PHACTR1: variants seen among roughly 807,000 people sequenced by gnomAD.
The protein encoded by PHACTR1 is RPEL repeat containing 1.
PHACTR1 carries 16 observed loss-of-function variants against 69.2 expected under a neutral mutation model. That is an observed-to-expected ratio of 0.23 (90% CI 0.16 to 0.35). The LOEUF (loss-of-function observed/expected upper bound fraction) is 0.35. Ranked by LOEUF, PHACTR1 falls within the 10% of genes least tolerant of loss-of-function variation. PHACTR1 has a pLI of 1.00. For missense variants in PHACTR1, 510 were observed against 734.7 expected (o/e 0.69, Z 3.54); for synonymous variants, 312 against 284.5 (o/e 1.10, Z -0.97).
chr6:12,720,465 G>C (rs1192992428), intron 3 of PHACTR1, among the ~76,000 whole-genome samples: 1 of 152,202 alleles, frequency 6.6e-6, no homozygotes, highest in East Asian at 1.9e-4. Flanking sequence ...AGGACTCAAG[G>C]CAGCCTTCTG....
chr6:13,249,375 CA>C (rs1774038875), intron 10 of PHACTR1, among the ~76,000 whole-genome samples: 1 of 152,246 alleles, frequency 6.6e-6, no homozygotes, highest in African/African-American at 2.4e-5. Context: ...CCCAAACCCC[CA>C]TCCATAGAAA....
At chr6:12,751,952 G>A (rs1487723125) in intron 4 of PHACTR1, among the ~76,000 whole-genome samples, 1 of 152,128 alleles carries the variant, frequency 6.6e-6, no homozygotes, top group Non-Finnish European at 1.5e-5. Flanking sequence ...GGACAGTGGA[G>A]GGATGGGTAC....
At chr6:12,882,018 C>G (rs1272075786) in intron 4 of PHACTR1, among the ~76,000 whole-genome samples, 1 of 152,038 alleles carries the variant, frequency 6.6e-6, no homozygotes, top group Non-Finnish European at 1.5e-5. Flanking sequence ...TCAACATGGT[C>G]AAATGCTGCA....
intron 3 of PHACTR1, among the ~76,000 whole-genome samples, chr6:12,721,864 C>T (rs953612073): frequency 4.6e-5 from 7 of 152,192 alleles, no homozygotes; most frequent in Non-Finnish European, 8.8e-5. Flanking sequence ...TGGCCGGCAC[C>T]CTTCCCATCC....
At chr6:12,764,979 G>A (rs1768436667) in intron 4 of PHACTR1, among the ~76,000 whole-genome samples, 1 of 152,086 alleles carries the variant, frequency 6.6e-6, no homozygotes, top group African/African-American at 2.4e-5. Context: ...GGCAATTGTA[G>A]ACCAAGTTTA....
intron 4 of PHACTR1, among the ~76,000 whole-genome samples, chr6:12,853,545 A>G (rs1780034772): frequency 6.6e-6 from 1 of 152,250 alleles, no homozygotes; most frequent in African/African-American, 2.4e-5. Context: ...CACACTGCTA[A>G]TAAAGACATA....
chr6:12,830,155 A>AAGAAAAGAAAGAAAGAAAGAAAGAAAGAC (rs1561924078), intron 4 of PHACTR1, among the ~76,000 whole-genome samples: 11 of 143,254 alleles, frequency 7.7e-5, no homozygotes, highest in African/African-American at 1.8e-4. Context: ...GAAAGAAAGA[A>AAGAAAAGAAAGAAAGAAAGAAAGAAAGAC]AGACATCTTC....
At chr6:13,207,977 T>G (rs1036196758) in intron 8 of PHACTR1, among the ~76,000 whole-genome samples, 1 of 152,028 alleles carries the variant, frequency 6.6e-6, no homozygotes, top group Non-Finnish European at 1.5e-5. Flanking sequence ...TTGCTGTGTC[T>G]AGGAATTCTG....
chr6:12,957,827 C>A, intron 4 of PHACTR1: 3 of 985,562 alleles, frequency 3.0e-6, no homozygotes, highest in Non-Finnish European at 3.6e-6. Flanking sequence ...AGCTGGTCAG[C>A]GGCCAGGGAA....
chr6:12,844,724 G>A (rs756344318), intron 4 of PHACTR1, among the ~76,000 whole-genome samples: 29 of 151,690 alleles, frequency 1.9e-4, no homozygotes, highest in Non-Finnish European at 3.8e-4. Flanking sequence ...AGTATTTGAG[G>A]TAGGAAGGAA....
In PHACTR1 at chr6:12,998,436, T is replaced by C. The variant is rs112710493; in HGVS notation, c.251-54929T>C. On this transcript the variant is annotated intron_variant, in intron 4 of 14. Coordinates refer to ENST00000332995, the MANE Select transcript of PHACTR1 (RefSeq NM_030948.6). ...GATTTAGAGACCAGCCTGGACAACA[T>C]AGTGAGATCTCATGTCTACTTAAAG... 7.6e-3 allele frequency among the ~76,000 whole-genome samples: 1,157 copies of C among 151,932 alleles called. 14 individuals carry two copies. The highest frequency in any genetic ancestry group is 0.026 in the African/African-American group (1,073 of 41,460).
Position 12,796,997 on chromosome 6 carries a change from C to T in PHACTR1, c.250+47207C>T, listed in dbSNP as rs546803428. Among the ~76,000 whole-genome samples, 25 of 140,708 alleles carry T rather than the reference C, an allele frequency of 1.8e-4. No individual in the cohort carries two copies. In the South Asian group the frequency reaches 3.0e-3, roughly 17 times the overall value. The allele number at this position is 140,708 out of a possible 152,430, so 92.3% of individuals were successfully genotyped here. ...ACATTAGGCCCAGGGTGTCCAGCTC[C>T]GAAGCCTAGGAGTGTGTGTGTGTGT... On this transcript the variant is annotated intron_variant, in intron 4 of 14. Coordinates refer to ENST00000332995, the MANE Select transcript of PHACTR1 (RefSeq NM_030948.6).
At chr6:12,833,868 G>T (rs1176178034) in intron 4 of PHACTR1, among the ~76,000 whole-genome samples, 3 of 152,034 alleles carry the variant, frequency 2.0e-5, no homozygotes, top group Non-Finnish European at 4.4e-5. Context: ...TTCTACTCCT[G>T]CCCGTACTTA....
chr6:13,132,729 TAA>T (rs77142357), intron 5 of PHACTR1, among the ~76,000 whole-genome samples: 3 of 38,512 alleles, frequency 7.8e-5, no homozygotes, highest in African/African-American at 1.6e-4. Context: ...ACCGTATTGC[TAA>T]AAAAAAAAAA....
intron 4 of PHACTR1, among the ~76,000 whole-genome samples, chr6:12,847,942 TCC>T (rs1437270114): frequency 2.0e-5 from 3 of 152,210 alleles, no homozygotes; most frequent in African/African-American, 7.2e-5. Flanking sequence ...ATTCACTATT[TCC>T]GGTATATTAT....
At chr6:13,221,044 C>T (rs1310235924) in intron 8 of PHACTR1, among the ~76,000 whole-genome samples, 5 of 152,144 alleles carry the variant, frequency 3.3e-5, no homozygotes, top group Admixed American at 3.3e-4. Context: ...GACTGATTTC[C>T]ATTGGAAAAA....
chr6:12,982,785 A>C (rs1562090524), intron 4 of PHACTR1, among the ~76,000 whole-genome samples: 1 of 152,256 alleles, frequency 6.6e-6, no homozygotes, highest in Non-Finnish European at 1.5e-5. Flanking sequence ...TCCTGTTTCT[A>C]TCACTTTTAG....
At chr6:13,061,003 C>CCTT (rs1554118078) in intron 5 of PHACTR1, among the ~76,000 whole-genome samples, 4 of 152,178 alleles carry the variant, frequency 2.6e-5, no homozygotes, top group Non-Finnish European at 5.9e-5. Context: ...AGGGTGGGTT[C>CCTT]CTTCTGGAGA....
intron 5 of PHACTR1, among the ~76,000 whole-genome samples, chr6:13,148,339 G>A (rs77522861): frequency 0.035 from 5,278 of 151,912 alleles, 208 homozygotes; most frequent in African/African-American, 0.095. Flanking sequence ...AATTACAGAC[G>A]TCTGTAATCA....
Sources: allele counts gnomAD v4.1 joint callset (sites outside exome capture counted in the v4.1 genomes callset), GRCh38; gene constraint gnomAD v4.1.1; transcripts MANE v1.5; gene names NCBI Gene and HGNC (gene_info 2026-07-23, HGNC 2026-07-21).